The following EPHB1 variants were observed in gnomAD, a reference collection of about 807,000 sequenced individuals.
EPHB1 encodes ephrin type-B receptor 1.
EPHB1 carries 30 observed loss-of-function variants against 94.4 expected under a neutral mutation model. That is an observed-to-expected ratio of 0.32 (90% CI 0.24 to 0.43). EPHB1 has a LOEUF of 0.43. Among genes scored for constraint, EPHB1 ranks in the 20% least tolerant of loss-of-function variants. The pLI is 1.00. For synonymous variants in EPHB1, 522 were observed against 489.1 expected, an observed-to-expected ratio of 1.07 and a Z score of -0.89; for missense variants, 1,055 against 1,308.3, an observed-to-expected ratio of 0.81 and a Z score of 2.99.
At chr3:135,128,480 G>A (rs1420556684) in intron 4 of EPHB1, among the ~76,000 whole-genome samples, 2 of 152,222 alleles carry the variant, frequency 1.3e-5, no homozygotes, top group Non-Finnish European at 2.9e-5. Flanking sequence ...TCATCAGGAT[G>A]CTACGGCACA....
intron 12 of EPHB1, among the ~76,000 whole-genome samples, chr3:135,212,162 C>T (rs1249169295): frequency 6.6e-6 from 1 of 152,076 alleles, no homozygotes; most frequent in Admixed American, 6.6e-5. Context: ...TCTAATTAAT[C>T]CTTTTTTATA....
intron 3 of EPHB1, among the ~76,000 whole-genome samples, chr3:135,090,807 C>G (rs1270287832): frequency 6.6e-6 from 1 of 152,248 alleles, no homozygotes; most frequent in African/African-American, 2.4e-5. Context: ...AGCCTCAAAG[C>G]TTTTGCTCTG....
At chr3:134,842,291 C>A (rs1453144534) in intron 1 of EPHB1, among the ~76,000 whole-genome samples, 2 of 152,196 alleles carry the variant, frequency 1.3e-5, no homozygotes, top group Admixed American at 6.5e-5. Context: ...ACATAAATTT[C>A]TGTTGTTTAT....
chr3:134,984,344 C>A (rs575086994), intron 3 of EPHB1, among the ~76,000 whole-genome samples: 1 of 152,284 alleles, frequency 6.6e-6, no homozygotes, highest in East Asian at 1.9e-4. Flanking sequence ...AACAGTGACC[C>A]TGAGAGTAGC....
At chr3:135,103,164 C>A (rs984734971) in intron 3 of EPHB1, among the ~76,000 whole-genome samples, 1 of 151,986 alleles carries the variant, frequency 6.6e-6, no homozygotes, top group African/African-American at 2.4e-5. Context: ...AAAAAAAAAT[C>A]TTTAATAAAT....
At chr3:134,888,525 T>A (rs1167350324) in intron 1 of EPHB1, among the ~76,000 whole-genome samples, 1 of 151,948 alleles carries the variant, frequency 6.6e-6, no homozygotes, top group Non-Finnish European at 1.5e-5. Context: ...CTGGCCAACA[T>A]AGTGAAACCT....
At chr3:135,112,195 C>G (rs1233510528) in intron 4 of EPHB1, among the ~76,000 whole-genome samples, 1 of 152,114 alleles carries the variant, frequency 6.6e-6, no homozygotes, top group Non-Finnish European at 1.5e-5. Context: ...CAGAGGGTAG[C>G]CAGTGTAAAT....
intron 4 of EPHB1, among the ~76,000 whole-genome samples, chr3:135,120,460 TG>T (rs1223788834): frequency 6.6e-6 from 1 of 152,174 alleles, no homozygotes; most frequent in Non-Finnish European, 1.5e-5. Context: ...CTTGTGTTAG[TG>T]GACATCTAAC....
chr3:135,025,345 A>G (rs1329272044), intron 3 of EPHB1, among the ~76,000 whole-genome samples: 15 of 84,286 alleles, frequency 1.8e-4, no homozygotes, highest in East Asian at 5.6e-4. Flanking sequence ...ATATCTCCCA[A>G]TGCTATCCCT....
At position 135,192,614 on chromosome 3, in the gene EPHB1, C is replaced by T. The variant is rs774889053; in HGVS notation, c.1921C>T (p.Pro641Ser). Residue 641 changes from proline to serine, a missense_variant, in exon 11 of 16, where the codon CCA becomes TCA. Transcript: ENST00000398015. Reference protein sequence around the residue: ...GEVYKGRLKLPGKREIYVAIK... With the variant: ...GEVYKGRLKLSGKREIYVAIK... ...AGTGTACAAGGGGCGTTTGAAACTG[C>T]CAGGCAAGAGGGAAATCTACGTGGC... 4 of 1,613,754 alleles carry T rather than the reference C, an allele frequency of 2.5e-6. No individual in the cohort carries two copies. Among genetic ancestry groups the T allele is most frequent in the Non-Finnish European group, 3.4e-6 (4 of 1,179,904 alleles).
chr3:135,018,837 T>G (rs1480798671), intron 3 of EPHB1, among the ~76,000 whole-genome samples: 1 of 152,162 alleles, frequency 6.6e-6, no homozygotes, highest in Non-Finnish European at 1.5e-5. Flanking sequence ...TTTCAGTGGC[T>G]ACGATGTGAC....
chr3:135,040,766 G>A (rs1268672361), intron 3 of EPHB1, among the ~76,000 whole-genome samples: 1 of 152,330 alleles, frequency 6.6e-6, no homozygotes, highest in East Asian at 1.9e-4. Flanking sequence ...GATACTGCAA[G>A]AGAAAGCTCT....
chr3:135,116,451 C>G (rs1288589809), intron 4 of EPHB1, among the ~76,000 whole-genome samples: 1 of 152,146 alleles, frequency 6.6e-6, no homozygotes, highest in Non-Finnish European at 1.5e-5. Flanking sequence ...CTCTTCCATC[C>G]ATGATAATGG....
chr3:135,007,837 T>G (rs902981212), intron 3 of EPHB1, among the ~76,000 whole-genome samples: 1 of 152,222 alleles, frequency 6.6e-6, no homozygotes, highest in Non-Finnish European at 1.5e-5. Flanking sequence ...TAAATACTTT[T>G]CCTCTACTTC....
At chr3:134,942,174 G>A (rs2039133610) in intron 2 of EPHB1, among the ~76,000 whole-genome samples, 1 of 152,230 alleles carries the variant, frequency 6.6e-6, no homozygotes, top group Admixed American at 6.5e-5. Flanking sequence ...ATAGGCCGGG[G>A]CTCTGCTCAT....
intron 6 of EPHB1, among the ~76,000 whole-genome samples, chr3:135,160,557 T>G (rs1941478072): frequency 6.6e-6 from 1 of 152,202 alleles, no homozygotes; most frequent in Middle Eastern, 3.2e-3. Context: ...TGATCCAGGC[T>G]CTTCATTTTC....
chr3:134,851,374 T>A (rs1008465340), intron 1 of EPHB1, among the ~76,000 whole-genome samples: 4 of 151,902 alleles, frequency 2.6e-5, no homozygotes, highest in African/African-American at 7.3e-5. Context: ...CGGATCCCCA[T>A]CTCCCCTCTC....
chr3:135,109,848 A>G (rs1939371991), intron 4 of EPHB1, among the ~76,000 whole-genome samples: 1 of 152,204 alleles, frequency 6.6e-6, no homozygotes, highest in Non-Finnish European at 1.5e-5. Context: ...CTGGCTTTCA[A>G]TTCCCAGGCA....
intron 8 of EPHB1, 44 bp from the exon 9 acceptor site, chr3:135,166,898 T>G: frequency 6.2e-7 from 1 of 1,608,396 alleles, no homozygotes; most frequent in Non-Finnish European, 8.5e-7. Context: ...AACAGACTGG[T>G]GGGTGTGCCC....
Sources: gnomAD v4.1 joint callset for allele counts (sites outside exome capture counted in the v4.1 genomes callset) on GRCh38, gnomAD v4.1.1 for gene constraint, MANE v1.5 for transcripts, NCBI Gene and HGNC (gene_info 2026-07-23, HGNC 2026-07-21) for gene names.